Variants in GALNTL6 observed in about 807,000 individuals in gnomAD.
GALNTL6 encodes the protein polypeptide N-acetylgalactosaminyltransferase-like 6.
GALNTL6 carries 46 observed loss-of-function variants against 73.7 expected under a neutral mutation model. The observed-to-expected ratio is 0.62, with a 90% CI of 0.49 to 0.80. The LOEUF (loss-of-function observed/expected upper bound fraction) is 0.80, where lower values mean the gene tolerates loss of function less well. Ranked by LOEUF, GALNTL6 falls within the 30% of genes least tolerant of loss-of-function variation. The pLI is 0.00. For missense variants in GALNTL6, 604 were observed against 755.0 expected (o/e 0.80, Z 2.34); for synonymous variants, 259 against 263.7 (o/e 0.98, Z 0.17).
intron 5 of GALNTL6, among the ~76,000 whole-genome samples, chr4:172,652,362 A>T (rs991396840): frequency 6.6e-6 from 1 of 152,228 alleles, no homozygotes; most frequent in Non-Finnish European, 1.5e-5. Context: ...GGAATATTTT[A>T]CTGAGATTTG....
chr4:171,973,443 C>A (rs1739628666), intron 2 of GALNTL6, among the ~76,000 whole-genome samples: 2 of 152,088 alleles, frequency 1.3e-5, no homozygotes, highest in Admixed American at 1.3e-4. Flanking sequence ...TTCTGGTAGG[C>A]CTGGGGGTTC....
At chr4:172,985,981 G>A (rs1001931234) in intron 10 of GALNTL6, among the ~76,000 whole-genome samples, 1 of 152,164 alleles carries the variant, frequency 6.6e-6, no homozygotes, top group Non-Finnish European at 1.5e-5. Flanking sequence ...AGAGGAGAGG[G>A]GAGGTTGTTT....
rs1405185607 is a variant in GALNTL6, at chr4:171,814,792, C to A, written c.138+74C>A. 1 of 1,498,120 alleles carries A rather than the reference C, an allele frequency of 6.7e-7. No homozygotes were observed. The highest frequency in any genetic ancestry group is 9.2e-7 in the Non-Finnish European group (1 of 1,088,238). 92.8% of individuals were successfully genotyped at this position (1,498,120 alleles called of 1,614,324 possible). A position where few individuals can be genotyped will look rare whatever the true frequency, so the allele number is the denominator to read the frequency against. ...TCCTCGCGCGGGGACTCGAGAAAGC[C>A]GGTGTGGGATCGCCTTGGGTTTTCC... On this transcript the variant is annotated intron_variant, in intron 2 of 12. Coordinates refer to ENST00000506823, the MANE Select transcript of GALNTL6 (RefSeq NM_001034845.3).
At chr4:172,560,571 C>T (rs1370452684) in intron 5 of GALNTL6, among the ~76,000 whole-genome samples, 1 of 152,136 alleles carries the variant, frequency 6.6e-6, no homozygotes, top group African/African-American at 2.4e-5. Context: ...CAGTATTAAA[C>T]TCACATGTAG....
chr4:171,839,122 A>G lies in GALNTL6; in HGVS notation c.138+24404A>G, dbSNP rs116725542. Among the ~76,000 whole-genome samples the G allele has an allele frequency of 7.9e-3, 1,197 of 152,172 alleles. 22 individuals carry two copies. The highest frequency in any genetic ancestry group is 0.027 in the African/African-American group (1,137 of 41,540). Reference sequence around the variant, plus strand: ...ATAGGTTATAGAAAGGCTTGCAGATATAGGGATGTGAGGAGGCACAGGTAA... The same window carrying G: ...ATAGGTTATAGAAAGGCTTGCAGATGTAGGGATGTGAGGAGGCACAGGTAA... On this transcript the variant is annotated intron_variant, in intron 2 of 12. Transcript: ENST00000506823.
At chr4:173,003,400 G>A (rs1219427228) in intron 10 of GALNTL6, among the ~76,000 whole-genome samples, 1 of 152,154 alleles carries the variant, frequency 6.6e-6, no homozygotes, top group East Asian at 1.9e-4. Flanking sequence ...CTGGGCCAAG[G>A]CTTGTTCATC....
At chr4:172,177,791 A>ATATATATACACACACATATAAGTGTGTG (rs1735075583) in intron 2 of GALNTL6, among the ~76,000 whole-genome samples, 1 of 101,738 alleles carries the variant, frequency 9.8e-6, no homozygotes, top group Non-Finnish European at 2.1e-5. Flanking sequence ...ACACATGTGT[A>ATATATATACACACACATATAAGTGTGTG]TATATATACA....
chr4:172,401,588 T>A (rs1744040147), intron 5 of GALNTL6, among the ~76,000 whole-genome samples: 1 of 152,078 alleles, frequency 6.6e-6, no homozygotes, highest in Admixed American at 6.6e-5. Flanking sequence ...TCTCTCTTTT[T>A]AAAAAATAAC....
intron 7 of GALNTL6, among the ~76,000 whole-genome samples, chr4:172,825,208 G>GT (rs1742200307): frequency 6.6e-6 from 1 of 151,110 alleles, no homozygotes; most frequent in East Asian, 2.0e-4. Flanking sequence ...AGAAATGTCT[G>GT]TTTTTGTGTC....
chr4:172,094,938 AT>A (rs1292029479), intron 2 of GALNTL6, among the ~76,000 whole-genome samples: 2 of 151,148 alleles, frequency 1.3e-5, no homozygotes, highest in African/African-American at 4.9e-5. Flanking sequence ...CTTAAATCCC[AT>A]AGTTTTTTGT....
intron 5 of GALNTL6, among the ~76,000 whole-genome samples, chr4:172,655,903 A>T (rs1730978382): frequency 6.6e-6 from 1 of 152,216 alleles, no homozygotes; most frequent in Non-Finnish European, 1.5e-5. Context: ...AAAAAGAAGG[A>T]TGAAGAATGA....
chr4:172,046,033 T>C (rs751732943), intron 2 of GALNTL6, among the ~76,000 whole-genome samples: 1 of 152,090 alleles, frequency 6.6e-6, no homozygotes, highest in Non-Finnish European at 1.5e-5. Context: ...ATTTTCTTCT[T>C]TTTTAAGGCA....
At chr4:172,375,265 A>C (rs1213109584) in intron 5 of GALNTL6, among the ~76,000 whole-genome samples, 1 of 152,144 alleles carries the variant, frequency 6.6e-6, no homozygotes, top group Non-Finnish European at 1.5e-5. Flanking sequence ...CTTACAGAAA[A>C]GGTCAAGCTG....
Position 172,015,114 on chromosome 4 carries a change from T to G in GALNTL6, c.138+200396T>G, listed in dbSNP as rs558153399. ...AAGTTCATTGTTTTTTTGTTGACTT[T>G]CTGTTTTCATGACCTATCTAATGCT... On this transcript the variant is annotated intron_variant, in intron 2 of 12. Transcript: ENST00000506823. Among the ~76,000 whole-genome samples the G allele has an allele frequency of 2.6e-5, 4 of 152,268 alleles. No individual in the cohort carries two copies. The South Asian group carries it at 8.3e-4, about 32-fold the overall frequency.
At chr4:172,253,760 C>T (rs755520234) in intron 3 of GALNTL6, among the ~76,000 whole-genome samples, 3 of 151,862 alleles carry the variant, frequency 2.0e-5, no homozygotes, top group Non-Finnish European at 4.4e-5. Flanking sequence ...TCAAATATGT[C>T]ATTTTCATGA....
intron 2 of GALNTL6, among the ~76,000 whole-genome samples, chr4:171,985,339 C>T (rs1274704639): frequency 6.6e-6 from 1 of 152,156 alleles, no homozygotes; most frequent in Non-Finnish European, 1.5e-5. Flanking sequence ...CTTATAAAGC[C>T]AACCGATCTC....
chr4:171,962,951 A>G (rs1218798752), intron 2 of GALNTL6, among the ~76,000 whole-genome samples: 1 of 151,774 alleles, frequency 6.6e-6, no homozygotes, highest in Non-Finnish European at 1.5e-5. Flanking sequence ...TATTTTTAAT[A>G]GAGACGGGGT....
chr4:171,908,810 A>G, intron 2 of GALNTL6, among the ~76,000 whole-genome samples: 1 of 151,320 alleles, frequency 6.6e-6, no homozygotes, highest in Non-Finnish European at 1.5e-5. Flanking sequence ...AATACTATGC[A>G]GCCATAAAAA....
chr4:172,736,209 G>T (rs1736449283), intron 5 of GALNTL6, among the ~76,000 whole-genome samples: 1 of 152,166 alleles, frequency 6.6e-6, no homozygotes, highest in African/African-American at 2.4e-5. Flanking sequence ...AAGCTGGGGG[G>T]CGCTGCAGGT....
Sources: gnomAD v4.1 joint callset for allele counts (sites outside exome capture counted in the v4.1 genomes callset) on GRCh38, gnomAD v4.1.1 for gene constraint, MANE v1.5 for transcripts, NCBI Gene and HGNC (gene_info 2026-07-23, HGNC 2026-07-21) for gene names.